Variants in SLC24A2 observed in about 807,000 individuals in gnomAD.
SLC24A2 encodes solute carrier family 24 member 2.
A neutral mutation model predicts 62.0 loss-of-function variants in SLC24A2; 36 were observed. The observed-to-expected ratio is 0.58, with a 90% CI of 0.44 to 0.77. The LOEUF (loss-of-function observed/expected upper bound fraction) is 0.77, where lower values mean the gene tolerates loss of function less well. SLC24A2 is among the 30% of genes least tolerant of loss of function. SLC24A2 has a pLI of 0.00. For synonymous variants in SLC24A2, 358 were observed against 294.0 expected (o/e 1.22, Z -2.23); for missense variants, 846 against 817.9 (o/e 1.03, Z -0.42).
the SLC24A2 span, among the ~76,000 whole-genome samples, chr9:19,918,877 A>G: frequency 6.6e-6 from 1 of 152,192 alleles, no homozygotes; most frequent in Non-Finnish European, 1.5e-5. Flanking sequence ...CCTATAAAAA[A>G]GGGGGCCAAC....
chr9:20,063,205 T>A, the SLC24A2 span, among the ~76,000 whole-genome samples: 1 of 150,996 alleles, frequency 6.6e-6, no homozygotes, highest in Non-Finnish European at 1.5e-5. Context: ...ATGTTTATTG[T>A]GGCACTATTC....
chr9:19,654,019 C>G (rs1489295533), intron 2 of SLC24A2, among the ~76,000 whole-genome samples: 2 of 152,158 alleles, frequency 1.3e-5, no homozygotes, highest in Non-Finnish European at 2.9e-5. Context: ...TAACCACCAC[C>G]ACCGCACTCA....
chr9:19,962,778 T>G, the SLC24A2 span, among the ~76,000 whole-genome samples: 27 of 152,322 alleles, frequency 1.8e-4, no homozygotes, highest in East Asian at 2.9e-3. Context: ...TGGGGTTTTC[T>G]AGATATACAA....
intron 2 of SLC24A2, among the ~76,000 whole-genome samples, chr9:19,753,121 T>C (rs1223122616): frequency 6.6e-6 from 1 of 152,198 alleles, no homozygotes; most frequent in Non-Finnish European, 1.5e-5. Flanking sequence ...TCTAGCTGGA[T>C]GGGCCTTGAA....
At chr9:19,999,704 C>G in the SLC24A2 span, among the ~76,000 whole-genome samples, 1 of 152,144 alleles carries the variant, frequency 6.6e-6, no homozygotes, top group Admixed American at 6.5e-5. Context: ...TCTCACTAAG[C>G]AGTCAGTGAG....
the SLC24A2 span, among the ~76,000 whole-genome samples, chr9:20,199,487 T>C: frequency 4.0e-4 from 61 of 152,212 alleles, no homozygotes; most frequent in Non-Finnish European, 7.9e-4. Context: ...TTATTACTAA[T>C]GTTGCTATGA....
At chr9:19,878,966 T>C in the SLC24A2 span, among the ~76,000 whole-genome samples, 1 of 152,110 alleles carries the variant, frequency 6.6e-6, no homozygotes, top group Non-Finnish European at 1.5e-5. Context: ...CACTCCATAA[T>C]TCAAAACATG....
the SLC24A2 span, among the ~76,000 whole-genome samples, chr9:20,103,106 G>C: frequency 6.6e-6 from 1 of 152,222 alleles, no homozygotes; most frequent in Non-Finnish European, 1.5e-5. Flanking sequence ...TAGCAAAGCA[G>C]TCTGAGATCA....
chr9:19,677,368 G>A lies in SLC24A2; in HGVS notation c.931-55069C>T, dbSNP rs1819590266. 2.0e-5 allele frequency among the ~76,000 whole-genome samples: 3 copies of A among 152,282 alleles called. No individual in the cohort carries two copies. The South Asian group carries it at 6.2e-4, about 32-fold the overall frequency. ...ACCACATGTTCTCACTTACAAGTAG[G>A]AAACTAAATGATGAGAACACATGGA... On this transcript the variant is annotated intron_variant, in intron 2 of 10. Transcript: ENST00000341998.
At chr9:19,984,213 CT>C in the SLC24A2 span, among the ~76,000 whole-genome samples, 19 of 149,854 alleles carry the variant, frequency 1.3e-4, no homozygotes, top group East Asian at 1.6e-3. Flanking sequence ...ATTCCAATGA[CT>C]TTTTTTTTTC....
chr9:19,951,633 T>A, the SLC24A2 span, among the ~76,000 whole-genome samples: 1 of 152,276 alleles, frequency 6.6e-6, no homozygotes. Context: ...TTCCATTGAA[T>A]TGCCTTGTTA....
At chr9:19,602,661 G>C (rs543790607) in intron 4 of SLC24A2, among the ~76,000 whole-genome samples, 2 of 152,316 alleles carry the variant, frequency 1.3e-5, no homozygotes, top group Admixed American at 6.5e-5. Flanking sequence ...GTATTGTCCA[G>C]TGGTTAAAAG....
intron 2 of SLC24A2, among the ~76,000 whole-genome samples, chr9:19,709,217 A>G (rs1237915199): frequency 2.0e-5 from 3 of 151,618 alleles, no homozygotes; most frequent in South Asian, 2.1e-4. Context: ...ACCATCTCAC[A>G]CCAGTTAGAA....
At chr9:20,203,726 C>A in the SLC24A2 span, among the ~76,000 whole-genome samples, 15 of 152,036 alleles carry the variant, frequency 9.9e-5, 1 homozygote, top group Admixed American at 2.0e-4. Context: ...GAAGCAGCAG[C>A]AGCAGAAGAA....
the SLC24A2 span, among the ~76,000 whole-genome samples, chr9:20,009,886 C>T: frequency 6.6e-6 from 1 of 152,136 alleles, no homozygotes; most frequent in East Asian, 1.9e-4. Context: ...GGAGCAGAGC[C>T]TGTGGCCCTG....
intron 2 of SLC24A2, among the ~76,000 whole-genome samples, chr9:19,694,964 G>T (rs1012964265): frequency 6.6e-6 from 1 of 151,834 alleles, no homozygotes; most frequent in Non-Finnish European, 1.5e-5. Context: ...ATGGGAGCTG[G>T]GGAGAAGCAA....
the SLC24A2 span, among the ~76,000 whole-genome samples, chr9:20,085,382 T>C: frequency 6.6e-6 from 1 of 152,178 alleles, no homozygotes; most frequent in Admixed American, 6.5e-5. Context: ...TTATCAGTAC[T>C]TACATTCTAA....
At chr9:19,687,315 T>A (rs1038001712) in intron 2 of SLC24A2, among the ~76,000 whole-genome samples, 1 of 152,118 alleles carries the variant, frequency 6.6e-6, no homozygotes, top group Non-Finnish European at 1.5e-5. Context: ...GTTCACTGTG[T>A]TTGGGGTATG....
intron 2 of SLC24A2, among the ~76,000 whole-genome samples, chr9:19,654,616 C>T (rs192889760): frequency 1.6e-3 from 245 of 152,196 alleles, no homozygotes; most frequent in African/African-American, 5.1e-3. Flanking sequence ...AACATTTGTC[C>T]GGCAGGTCTG....
Sources: gnomAD v4.1 joint callset for allele counts (sites outside exome capture counted in the v4.1 genomes callset) on GRCh38, gnomAD v4.1.1 for gene constraint, MANE v1.5 for transcripts, NCBI Gene and HGNC (gene_info 2026-07-23, HGNC 2026-07-21) for gene names.